The following NAP1L1 variants were observed in gnomAD, a reference collection of about 807,000 sequenced individuals.
NAP1L1 encodes the protein nucleosome assembly protein 1 like 1, also known as nucleosome assembly protein 1-like 1.
A neutral mutation model predicts 58.9 loss-of-function variants in NAP1L1; 9 were observed. The observed-to-expected ratio is 0.15, with a 90% CI of 0.09 to 0.27. The LOEUF (loss-of-function observed/expected upper bound fraction) is 0.27. Ranked by LOEUF, NAP1L1 falls within the 10% of genes least tolerant of loss-of-function variation. The pLI, the probability that NAP1L1 is intolerant of heterozygous loss-of-function variation, is 1.00. For synonymous variants in NAP1L1, 130 were observed against 138.3 expected (o/e 0.94, Z 0.42); for missense variants, 302 against 458.8 (o/e 0.66, Z 3.12).
intron 11 of NAP1L1, among the ~76,000 whole-genome samples, chr12:76,051,539 T>C (rs1017848563): frequency 9.9e-5 from 15 of 152,126 alleles, no homozygotes; most frequent in South Asian, 4.1e-4. Context: ...CTAAATCAGG[T>C]GCCCCTAGCA....
rs186437013 is a variant in NAP1L1, at chr12:76,083,054, G to A, written c.-21+1513C>T. On this transcript the variant is annotated intron_variant, in intron 1 of 14. Transcript: ENST00000618691. ...ACTGATCAGTGACCGTCTAAAATAC[G>A]GGCTCCTTGAGGACATCCTGCGCCT... Among the ~76,000 whole-genome samples the A allele has an allele frequency of 1.6e-4, 24 of 152,148 alleles. No homozygotes were observed. In the East Asian group the frequency reaches 4.1e-3, roughly 26 times the overall value.
rs1871093279 is a variant in NAP1L1, at chr12:76,038,104, G to A, written c.*10325C>T. ...AAGGTAATCCAATGAAGGAGGCTGA[G>A]AGAACCAGTATTATGTTGTCACAAA... is the stretch of plus-strand genomic sequence containing the variant. On this transcript the variant is annotated 3_prime_UTR_variant, in exon 15 of 15. Coordinates refer to ENST00000618691, the MANE Select transcript of NAP1L1 (RefSeq NM_004537.7). 1 of 152,134 alleles carries A rather than the reference G, an allele frequency of 6.6e-6. No individual in the cohort carries two copies. The highest frequency in any genetic ancestry group is 2.1e-4 in the South Asian group (1 of 4,828). 9.4% of individuals were successfully genotyped at this position (152,134 alleles called of 1,614,324 possible).
intron 4 of NAP1L1, among the ~76,000 whole-genome samples, chr12:76,065,012 T>G (rs543870712): frequency 5.3e-5 from 8 of 152,312 alleles, no homozygotes; most frequent in South Asian, 4.1e-4. Flanking sequence ...CCTGAAACTT[T>G]CTTTATGCAC....
chr12:76,074,253 C>A lies in NAP1L1; in HGVS notation c.-20-14G>T. 2 of 1,555,194 alleles carry A rather than the reference C, an allele frequency of 1.3e-6. No individual in the cohort carries two copies. The highest frequency in any genetic ancestry group is 1.7e-6 in the Non-Finnish European group (2 of 1,157,076). The stretch of plus-strand genomic sequence containing the variant: ...AACTCCAAATATCTATGGAGAGAAA[C>A]ATCAATGTTAAAAAAAAAGTATATG... On this transcript the variant is annotated splice_polypyrimidine_tract_variant and intron_variant, in intron 1 of 14. Coordinates refer to ENST00000618691, the MANE Select transcript of NAP1L1 (RefSeq NM_004537.7).
At chr12:76,073,995 G>T (rs192088405) in intron 2 of NAP1L1, 4 of 463,986 alleles carry the variant, frequency 8.6e-6, no homozygotes, top group East Asian at 7.3e-5. Context: ...TAGTATATAC[G>T]ATGGTTTCGA....
In NAP1L1 at chr12:76,041,862, A is replaced by G. The variant is rs1948554486; in HGVS notation, c.*6567T>C. The G allele has an allele frequency of 6.6e-6, 1 of 152,228 alleles. No homozygotes were observed. The highest frequency in any genetic ancestry group is 1.5e-5 in the Non-Finnish European group (1 of 68,040). The allele number at this position is 152,228 out of a possible 1,614,324, so 9.4% of individuals were successfully genotyped here. A position where few individuals can be genotyped will look rare whatever the true frequency, so the allele number is the denominator to read the frequency against. On this transcript the variant is annotated 3_prime_UTR_variant, in exon 15 of 15. Transcript: ENST00000618691. ...GATAGAAGGGATAACCTGAATAATGACAATTTGGGTATTCTGAAGCATGAG... is the reference window on the plus strand; with the variant it reads ...GATAGAAGGGATAACCTGAATAATGGCAATTTGGGTATTCTGAAGCATGAG...
chr12:76,067,072 A>C (rs978416476), intron 4 of NAP1L1, among the ~76,000 whole-genome samples: 3 of 152,136 alleles, frequency 2.0e-5, no homozygotes, highest in African/African-American at 7.2e-5. Context: ...TCATCAGTGA[A>C]ATAAGAAATC....
chr12:76,075,064 ATG>A (rs1950118842), intron 1 of NAP1L1, among the ~76,000 whole-genome samples: 1 of 152,236 alleles, frequency 6.6e-6, no homozygotes, highest in Non-Finnish European at 1.5e-5. Flanking sequence ...CTTAAAGCAG[ATG>A]TGTTATATCC....
chr12:76,080,382 A>G (rs1212738677), intron 1 of NAP1L1, among the ~76,000 whole-genome samples: 1 of 152,234 alleles, frequency 6.6e-6, no homozygotes, highest in Non-Finnish European at 1.5e-5. Flanking sequence ...TTGTGGTTAG[A>G]GTACACTCCA....
In NAP1L1 at chr12:76,041,688, T is replaced by A. The variant is rs1433872839; in HGVS notation, c.*6741A>T. ...CTTGAGCCCAGGAGTTAGACACTAG[T>A]CCAGGCAACATAGTGAGAATCATCT... On this transcript the variant is annotated 3_prime_UTR_variant, in exon 15 of 15. Transcript: ENST00000618691. The A allele has an allele frequency of 6.6e-6, 1 of 152,136 alleles. No homozygotes were observed. The highest frequency in any genetic ancestry group is 1.5e-5 in the Non-Finnish European group (1 of 68,022). 9.4% of individuals were successfully genotyped at this position (152,136 alleles called of 1,614,324 possible). A position where few individuals can be genotyped will look rare whatever the true frequency, so the allele number is the denominator to read the frequency against.
Position 76,068,778 on chromosome 12 carries a change from ACT to A in NAP1L1, c.103+129_103+130del, listed in dbSNP as rs1491492698. The A allele has an allele frequency of 4.8e-5, 31 of 651,298 alleles. No homozygotes were observed. The African/African-American group carries it at 5.0e-4, about 10-fold the overall frequency. 40.3% of individuals were successfully genotyped at this position (651,298 alleles called of 1,614,324 possible). On this transcript the variant is annotated intron_variant, in intron 3 of 14. Transcript: ENST00000618691. ...CACACACACACACACACACACACAC[ACT>A]AGAAGTATGGACCAGTAGATAAATG...
chr12:76,058,064 C>A, intron 6 of NAP1L1: 1 of 770,096 alleles, frequency 1.3e-6, no homozygotes, highest in South Asian at 1.4e-5. Context: ...TAATTGAGGT[C>A]ATTCAGGAAA....
At chr12:76,067,029 G>T (rs552696568) in intron 4 of NAP1L1, among the ~76,000 whole-genome samples, 2 of 152,150 alleles carry the variant, frequency 1.3e-5, no homozygotes, top group Middle Eastern at 3.4e-3. Context: ...TGTAAGCTGA[G>T]TAAGATATTC....
In NAP1L1 at chr12:76,043,839, T is replaced by G. The variant is rs539566584; in HGVS notation, c.*4590A>C. 40 of 152,282 alleles carry G rather than the reference T, an allele frequency of 2.6e-4. No individual in the cohort carries two copies. Among genetic ancestry groups the G allele is most frequent in the African/African-American group, 9.4e-4 (39 of 41,568 alleles). 9.4% of individuals were successfully genotyped at this position (152,282 alleles called of 1,614,324 possible). A position where few individuals can be genotyped will look rare whatever the true frequency, so the allele number is the denominator to read the frequency against. The stretch of plus-strand genomic sequence containing the variant: ...TGGTAGCAACTATTTTACAACCTCA[T>G]GAAATTTACCAGAGCCGCAATTGCC... On this transcript the variant is annotated 3_prime_UTR_variant, in exon 15 of 15. Coordinates refer to ENST00000618691, the MANE Select transcript of NAP1L1 (RefSeq NM_004537.7).
chr12:76,038,706 CAAG>C lies in NAP1L1; in HGVS notation c.*9720_*9722del, dbSNP rs957758343. On this transcript the variant is annotated 3_prime_UTR_variant, in exon 15 of 15. Transcript: ENST00000618691. ...TCAGAAAGGTGGAATAACACTTTTA[CAAG>C]AAGATAAAACCCAGGAAATGTTTAT... is the stretch of plus-strand genomic sequence containing the variant. 8 of 152,076 alleles carry C rather than the reference CAAG, an allele frequency of 5.3e-5. No individual in the cohort carries two copies. Among genetic ancestry groups the C allele is most frequent in the South Asian group, 2.1e-4 (1 of 4,820 alleles). The allele number at this position is 152,076 out of a possible 1,614,324, so 9.4% of individuals were successfully genotyped here. A position where few individuals can be genotyped will look rare whatever the true frequency, so the allele number is the denominator to read the frequency against.
At chr12:76,074,534 C>T (rs1950102424) in intron 1 of NAP1L1, 1 of 166,718 alleles carries the variant, frequency 6.0e-6, no homozygotes, top group Non-Finnish European at 1.2e-5. Flanking sequence ...AAAAACAAAA[C>T]TAACATTTGC....
At chr12:76,048,906 T>C in intron 14 of NAP1L1, 1 of 455,272 alleles carries the variant, frequency 2.2e-6, no homozygotes, top group Non-Finnish European at 3.9e-6. Flanking sequence ...ACCTTTATTT[T>C]CTAATGCTTA....
intron 6 of NAP1L1, chr12:76,057,726 T>G (rs1949183995): frequency 6.5e-7 from 1 of 1,546,758 alleles, no homozygotes; most frequent in South Asian, 1.2e-5. Flanking sequence ...ATTTTCCAAA[T>G]GAATATGCAA....
rs1948569863 is a variant in NAP1L1 at position 76,043,449 on chromosome 12, T to C, written c.*4980A>G. On this transcript the variant is annotated 3_prime_UTR_variant, in exon 15 of 15. Coordinates refer to ENST00000618691, the MANE Select transcript of NAP1L1 (RefSeq NM_004537.7). ...CTGATTGCAGCAGTACACTCCAACC[T>C]GGGCAAATGAAGTAAGACCCTGTCT... is the stretch of plus-strand genomic sequence containing the variant. 7.6e-6 allele frequency: 1 copy of C among 131,200 alleles called. No homozygotes were observed. Among genetic ancestry groups the C allele is most frequent in the Non-Finnish European group, 1.6e-5 (1 of 64,072 alleles). 8.1% of individuals were successfully genotyped at this position (131,200 alleles called of 1,614,324 possible).
Sources: allele counts gnomAD v4.1 joint callset (sites outside exome capture counted in the v4.1 genomes callset), GRCh38; gene constraint gnomAD v4.1.1; transcripts MANE v1.5; gene names NCBI Gene and HGNC (gene_info 2026-07-23, HGNC 2026-07-21).